Variants in AFAP1L1 observed in about 807,000 individuals in gnomAD.
The protein encoded by AFAP1L1 is actin filament-associated protein 1-like 1.
AFAP1L1 carries 77 observed loss-of-function variants against 99.8 expected under a neutral mutation model. The observed-to-expected ratio is 0.77, with a 90% confidence interval of 0.64 to 0.93. The LOEUF (loss-of-function observed/expected upper bound fraction) is 0.93, where lower values mean the gene tolerates loss of function less well. Among genes scored for constraint, AFAP1L1 ranks in the 40% least tolerant of loss-of-function variants. The pLI is 0.00. For missense variants in AFAP1L1, 893 were observed against 996.8 expected, an observed-to-expected ratio of 0.90 and a Z score of 1.40; for synonymous variants, 373 against 395.3, an observed-to-expected ratio of 0.94 and a Z score of 0.67.
intron 2 of AFAP1L1, 150 bp downstream of exon 2, chr5:149,299,787 T>C (rs1756134025): frequency 7.9e-7 from 1 of 1,268,210 alleles, no homozygotes; most frequent in East Asian, 2.6e-5. Context: ...GGACACAGCG[T>C]CCAATGCATT....
At chr5:149,276,893 C>A (rs184135831) in intron 1 of AFAP1L1, 73 of 152,308 alleles carry the variant, frequency 4.8e-4, no homozygotes, top group African/African-American at 1.7e-3. Flanking sequence ...CCACTTATGA[C>A]CTTCAATAAC....
At chr5:149,300,859 T>C (rs1756182641) in intron 3 of AFAP1L1, among the ~76,000 whole-genome samples, 2 of 152,226 alleles carry the variant, frequency 1.3e-5, no homozygotes, top group African/African-American at 2.4e-5. Context: ...CACTGTGCCT[T>C]TATAGCATAA....
intron 1 of AFAP1L1, among the ~76,000 whole-genome samples, chr5:149,294,211 C>A (rs921306867): frequency 1.3e-5 from 2 of 152,154 alleles, no homozygotes; most frequent in Non-Finnish European, 2.9e-5. Context: ...GTTCCTGGAT[C>A]CAGGACAGGC....
At position 149,315,214 on chromosome 5, in the gene AFAP1L1, G is replaced by A. The variant is rs188004410; in HGVS notation, c.1021-607G>A. 3.9e-3 allele frequency among the ~76,000 whole-genome samples: 598 copies of A among 152,294 alleles called. 1 individual carries two copies. The highest frequency in any genetic ancestry group is 0.014 in the African/African-American group (580 of 41,556). On this transcript the variant is annotated intron_variant, in intron 9 of 18. Transcript: ENST00000296721. ...GGCAATGAAATTGTTGACATGTTGT[G>A]TGTGGGTGTGTGGGTGTGTGTCCCC...
At chr5:149,302,916 T>C (rs1382440383) in intron 5 of AFAP1L1, among the ~76,000 whole-genome samples, 1 of 152,160 alleles carries the variant, frequency 6.6e-6, no homozygotes, top group Non-Finnish European at 1.5e-5. Context: ...ACCCAAGTGC[T>C]CCTCTTGAGT....
chr5:149,295,131 G>A (rs907136460), intron 1 of AFAP1L1, among the ~76,000 whole-genome samples: 3 of 152,150 alleles, frequency 2.0e-5, no homozygotes, highest in Non-Finnish European at 2.9e-5. Flanking sequence ...TGCCAGATCC[G>A]TTCAGGTCGC....
intron 1 of AFAP1L1, among the ~76,000 whole-genome samples, chr5:149,298,123 A>G (rs1309130175): frequency 6.6e-6 from 1 of 152,132 alleles, no homozygotes; most frequent in African/African-American, 2.4e-5. Context: ...AAGGTGCTGT[A>G]TCTCCTCCTA....
In AFAP1L1 at chr5:149,301,865, A is replaced by G. The variant is rs1756228067; in HGVS notation, c.328-553A>G. Among the ~76,000 whole-genome samples the G allele has an allele frequency of 2.0e-5, 3 of 152,272 alleles. No homozygotes were observed. The South Asian group carries it at 6.2e-4, about 31-fold the overall frequency. ...CTTACTATGTCCTTTACATGCTGAC[A>G]GCAACTGAATGAGGCTGGCACAATT... On this transcript the variant is annotated intron_variant, in intron 4 of 18. Coordinates refer to ENST00000296721, the MANE Select transcript of AFAP1L1 (RefSeq NM_152406.4).
chr5:149,343,129 C>A lies in AFAP1L1; in HGVS notation c.*3099C>A, dbSNP rs1757603293. 6.6e-6 allele frequency among the ~76,000 whole-genome samples: 1 copy of A among 151,968 alleles called. No homozygotes were observed. Among genetic ancestry groups the A allele is most frequent in the Admixed American group, 6.6e-5 (1 of 15,250 alleles). The stretch of plus-strand genomic sequence containing the variant: ...AAACCATATCACCCTTTTCATAAGG[C>A]CAAAAAGAAAATATAAGTTATTGGT... On this transcript the variant is annotated 3_prime_UTR_variant, in exon 19 of 19. Coordinates refer to ENST00000296721, the MANE Select transcript of AFAP1L1 (RefSeq NM_152406.4).
chr5:149,291,773 T>G (rs1210169819), intron 1 of AFAP1L1, among the ~76,000 whole-genome samples: 1 of 152,172 alleles, frequency 6.6e-6, no homozygotes, highest in Non-Finnish European at 1.5e-5. Context: ...ATGTTCAAAG[T>G]AAGGCACTGG....
chr5:149,331,417 G>A (rs552878219), intron 16 of AFAP1L1, among the ~76,000 whole-genome samples: 220 of 152,202 alleles, frequency 1.4e-3, no homozygotes, highest in Non-Finnish European at 2.4e-3. Flanking sequence ...TCAGGAGATC[G>A]AGACCATCCT....
chr5:149,322,058 A>T (rs1324871984), intron 14 of AFAP1L1, among the ~76,000 whole-genome samples: 2 of 152,254 alleles, frequency 1.3e-5, no homozygotes, highest in Non-Finnish European at 2.9e-5. Context: ...AGAAGTAGAT[A>T]GTACTGTTGT....
Position 149,319,596 on chromosome 5 carries a change from G to C in AFAP1L1, c.1494G>C (p.Glu498Asp). 1.2e-6 allele frequency: 2 copies of C among 1,612,076 alleles called. No homozygotes were observed. The highest frequency in any genetic ancestry group is 1.7e-4 in the Middle Eastern group (1 of 5,790). ...EVAILEASCS[E>D]DMGRWLGLLL... ...CTGTCCTTCAGGCAAGCTGTTCAGAGGACATGGGTCGCTGGCTCGGGCTGC... is the reference window on the plus strand; with the variant it reads ...CTGTCCTTCAGGCAAGCTGTTCAGACGACATGGGTCGCTGGCTCGGGCTGC... The change falls in exon 13 of 19, where the codon GAG becomes GAC. Residue 498 changes from glutamate (E) to aspartate (D), a missense_variant. Physicochemically the swap from Glu to Asp is conservative, Grantham distance 45. Coordinates refer to ENST00000296721, the MANE Select transcript of AFAP1L1 (RefSeq NM_152406.4).
chr5:149,309,335 G>T (rs1422207838), intron 7 of AFAP1L1, among the ~76,000 whole-genome samples: 1 of 151,986 alleles, frequency 6.6e-6, no homozygotes, highest in Non-Finnish European at 1.5e-5. Flanking sequence ...TCTTTGAATG[G>T]TAAACCGCTC....
chr5:149,310,726 T>C (rs1303532677), intron 8 of AFAP1L1, among the ~76,000 whole-genome samples: 3 of 152,226 alleles, frequency 2.0e-5, no homozygotes, highest in Admixed American at 6.5e-5. Flanking sequence ...TGAGAACTTA[T>C]GTGACTTGCC....
At chr5:149,282,281 C>T (rs1457921053) in intron 1 of AFAP1L1, among the ~76,000 whole-genome samples, 1 of 152,150 alleles carries the variant, frequency 6.6e-6, no homozygotes, top group Non-Finnish European at 1.5e-5. Flanking sequence ...CCTCTAAGAA[C>T]CTAGAGGAAA....
chr5:149,294,857 AG>A (rs1755969742), intron 1 of AFAP1L1, among the ~76,000 whole-genome samples: 1 of 152,122 alleles, frequency 6.6e-6, no homozygotes, highest in African/African-American at 2.4e-5. Context: ...TGCTGCACTG[AG>A]CTGGGCTGAA....
intron 1 of AFAP1L1, among the ~76,000 whole-genome samples, chr5:149,297,572 C>A (rs1756056432): frequency 6.6e-6 from 1 of 152,218 alleles, no homozygotes; most frequent in African/African-American, 2.4e-5. Flanking sequence ...TCCACATCAA[C>A]CTTCAGCTCA....
chr5:149,281,512 A>G (rs1312377432), intron 1 of AFAP1L1, among the ~76,000 whole-genome samples: 1 of 152,214 alleles, frequency 6.6e-6, no homozygotes, highest in East Asian at 1.9e-4. Context: ...TTATGTGTGT[A>G]TGAGTCCTGA....
Sources: allele counts gnomAD v4.1 joint callset (sites outside exome capture counted in the v4.1 genomes callset), GRCh38; gene constraint gnomAD v4.1.1; transcripts MANE v1.5; gene names NCBI Gene and HGNC (gene_info 2026-07-23, HGNC 2026-07-21).